EEF2K: variants seen among roughly 807,000 people sequenced by gnomAD.
EEF2K encodes the protein alternative protein EEF2K.
EEF2K carries 70 observed loss-of-function variants against 93.8 expected under a neutral mutation model. The ratio of observed to expected loss-of-function variants is 0.75; its 90% confidence interval spans 0.62 to 0.91. The LOEUF is 0.91. Ranked by LOEUF, EEF2K falls within the 40% of genes least tolerant of loss-of-function variation. The pLI, the probability that EEF2K is intolerant of heterozygous loss-of-function variation, is 0.00. For missense variants in EEF2K, 935 were observed against 972.9 expected (o/e 0.96, Z 0.52); for synonymous variants, 376 against 380.8 (o/e 0.99, Z 0.15).
At chr16:22,206,808 T>C (rs1353683547) in intron 1 of EEF2K, 129 bp downstream of exon 1, 1 of 152,788 alleles carries the variant, frequency 6.5e-6, no homozygotes, top group Non-Finnish European at 1.5e-5. Flanking sequence ...GGAGAAGGCA[T>C]GGAAGGAGAG....
rs71151666 is a variant in EEF2K, at chr16:22,241,636, C to CAAAA, written c.247-2971_247-2968dup. Among the ~76,000 whole-genome samples the CAAAA allele has an allele frequency of 1.0e-3, 50 of 49,186 alleles. 1 individual carries two copies. The highest frequency in any genetic ancestry group is 1.7e-3 in the Non-Finnish European group (44 of 26,626). 32.3% of individuals were successfully genotyped at this position (49,186 alleles called of 152,430 possible). A position where few individuals can be genotyped will look rare whatever the true frequency, so the allele number is the denominator to read the frequency against. ...CCTGGGTGACAGAGGGAGACTGTCT[C>CAAAA]AAAAAAAAAAAAAAAAAAAAAAAAA... On this transcript the variant is annotated intron_variant, in intron 2 of 17. Transcript: ENST00000263026.
intron 7 of EEF2K, 24 bp downstream of exon 7, chr16:22,256,921 C>T (rs375482252): frequency 6.8e-6 from 11 of 1,612,206 alleles, no homozygotes; most frequent in Non-Finnish European, 9.3e-6. Flanking sequence ...CACCTCCACC[C>T]TCTGCCCACC....
chr16:22,257,861 C>A, intron 9 of EEF2K, 91 bp downstream of exon 9: 1 of 1,538,464 alleles, frequency 6.5e-7, no homozygotes, highest in South Asian at 1.2e-5. Flanking sequence ...ACAGCCAGGT[C>A]AAGCAGTGCT....
chr16:22,280,065 G>A (rs1292148033), intron 16 of EEF2K, 133 bp from the exon 17 acceptor site: 1 of 798,500 alleles, frequency 1.3e-6, no homozygotes. Flanking sequence ...ATTGGCCTTG[G>A]ACAAGATAGG....
intron 15 of EEF2K, among the ~76,000 whole-genome samples, chr16:22,268,956 CA>C (rs528308134): frequency 4.0e-4 from 57 of 140,836 alleles, no homozygotes; most frequent in Admixed American, 5.7e-4. Flanking sequence ...GACTCCATCT[CA>C]AAAAAAAAAA....
At chr16:22,243,247 A>ATTTTTT (rs568043657) in intron 2 of EEF2K, among the ~76,000 whole-genome samples, 1 of 118,502 alleles carries the variant, frequency 8.4e-6, no homozygotes, top group Non-Finnish European at 1.7e-5. Flanking sequence ...GATGCAGCCT[A>ATTTTTT]TTTTTTTTTT....
At chr16:22,268,727 G>A (rs1010948134) in intron 15 of EEF2K, among the ~76,000 whole-genome samples, 3 of 151,826 alleles carry the variant, frequency 2.0e-5, no homozygotes, top group African/African-American at 4.8e-5. Context: ...AGATGGAGGC[G>A]GGTGGATCAC....
chr16:22,246,259 T>C (rs1297645538), intron 3 of EEF2K, among the ~76,000 whole-genome samples: 1 of 152,102 alleles, frequency 6.6e-6, no homozygotes, highest in Non-Finnish European at 1.5e-5. Context: ...TGGTGGCTCA[T>C]GCCTGTAATC....
At position 22,285,403 on chromosome 16, in the gene EEF2K, A is replaced by G. The variant is rs1348459914; in HGVS notation, c.*1407A>G. 6.6e-6 allele frequency: 1 copy of G among 152,226 alleles called. No homozygotes were observed. Among genetic ancestry groups the G allele is most frequent in the Non-Finnish European group, 1.5e-5 (1 of 68,048 alleles). The allele number at this position is 152,226 out of a possible 1,614,324, so 9.4% of individuals were successfully genotyped here. ...GTTTGAGGATGAGAGGGCAAGAACTATAAACACTCATTAATTCTAGTAGTC... is the reference window on the plus strand; with the variant it reads ...GTTTGAGGATGAGAGGGCAAGAACTGTAAACACTCATTAATTCTAGTAGTC... On this transcript the variant is annotated 3_prime_UTR_variant, in exon 18 of 18. Coordinates refer to ENST00000263026, the MANE Select transcript of EEF2K (RefSeq NM_013302.5).
chr16:22,248,420 G>T (rs2047316443), intron 3 of EEF2K, among the ~76,000 whole-genome samples: 1 of 152,170 alleles, frequency 6.6e-6, no homozygotes, highest in Non-Finnish European at 1.5e-5. Flanking sequence ...ACAGACATGG[G>T]TCTGCTTTTG....
In EEF2K at chr16:22,285,171, T is replaced by A. The variant is rs1029460679; in HGVS notation, c.*1175T>A. ...GCCTTTTCTCCAAGCAGACCCACAC[T>A]CTGCATCTCAGTGGCAGCTCCCACA... is the stretch of plus-strand genomic sequence containing the variant. On this transcript the variant is annotated 3_prime_UTR_variant, in exon 18 of 18. Transcript: ENST00000263026. 3 of 152,554 alleles carry A rather than the reference T, an allele frequency of 2.0e-5. No homozygotes were observed. Among genetic ancestry groups the A allele is most frequent in the Middle Eastern group, 3.2e-3 (1 of 316 alleles). The allele number at this position is 152,554 out of a possible 1,614,324, so 9.5% of individuals were successfully genotyped here.
chr16:22,280,379 AG>A lies in EEF2K; in HGVS notation c.2068+6del. On this transcript the variant is annotated splice_donor_region_variant and intron_variant, in intron 17 of 17. Coordinates refer to ENST00000263026, the MANE Select transcript of EEF2K (RefSeq NM_013302.5). Reference sequence around the variant, plus strand: ...GGAGAAGGACCCGCAGAGATCAGGTAGGGCCTGGCAGACCTGCCCCTGGGCT... The same window carrying A: ...GGAGAAGGACCCGCAGAGATCAGGTAGGCCTGGCAGACCTGCCCCTGGGCT... 1 of 1,506,180 alleles carries A rather than the reference AG, an allele frequency of 6.6e-7. No individual in the cohort carries two copies. The highest frequency in any genetic ancestry group is 1.4e-5 in the African/African-American group (1 of 71,124). 93.3% of individuals were successfully genotyped at this position (1,506,180 alleles called of 1,614,324 possible). A position where few individuals can be genotyped will look rare whatever the true frequency, so the allele number is the denominator to read the frequency against.
intron 11 of EEF2K, among the ~76,000 whole-genome samples, chr16:22,262,084 G>T (rs1420206149): frequency 6.6e-6 from 1 of 151,952 alleles, no homozygotes; most frequent in South Asian, 2.1e-4. Flanking sequence ...AAACTATTCC[G>T]TTACTAATTG....
Position 22,284,154 on chromosome 16 carries a change from C to G in EEF2K, c.*158C>G. On this transcript the variant is annotated 3_prime_UTR_variant, in exon 18 of 18. Transcript: ENST00000263026. ...TCATTTTTTGACTCTTGAAAAATGT[C>G]TTTGCTCCTTGGCAGCTACCAGCAG... 1 of 705,482 alleles carries G rather than the reference C, an allele frequency of 1.4e-6. No individual in the cohort carries two copies. The highest frequency in any genetic ancestry group is 2.4e-6 in the Non-Finnish European group (1 of 421,760). The allele number at this position is 705,482 out of a possible 1,614,324, so 43.7% of individuals were successfully genotyped here. A position where few individuals can be genotyped will look rare whatever the true frequency, so the allele number is the denominator to read the frequency against.
chr16:22,209,923 G>A (rs980441257), intron 1 of EEF2K, among the ~76,000 whole-genome samples: 2 of 152,174 alleles, frequency 1.3e-5, no homozygotes. Context: ...CTCCCAAGTA[G>A]CTGGGACTAC....
Position 22,280,184 on chromosome 16 carries a change from T to C in EEF2K, c.1890-14T>C, listed in dbSNP as rs747723181. The C allele has an allele frequency of 2.1e-6, 3 of 1,458,650 alleles. No homozygotes were observed. Among genetic ancestry groups the C allele is most frequent in the Non-Finnish European group, 2.7e-6 (3 of 1,097,838 alleles). The allele number at this position is 1,458,650 out of a possible 1,614,324, so 90.4% of individuals were successfully genotyped here. On this transcript the variant is annotated splice_polypyrimidine_tract_variant and intron_variant, in intron 16 of 17. Transcript: ENST00000263026. The stretch of plus-strand genomic sequence containing the variant: ...ATGGTAACCTCCACCTTTCCCTCTG[T>C]ATCTCCTGGCAAGGTGCCAAGACTG...
At chr16:22,226,004 C>CA (rs2047060219) in intron 2 of EEF2K, 29 bp downstream of exon 2, 1 of 1,609,984 alleles carries the variant, frequency 6.2e-7, no homozygotes, top group Non-Finnish European at 8.5e-7. Flanking sequence ...CCACCTTCCC[C>CA]ACCTGGCTTA....
intron 1 of EEF2K, among the ~76,000 whole-genome samples, chr16:22,224,067 C>T (rs2047040083): frequency 6.6e-6 from 1 of 151,930 alleles, no homozygotes; most frequent in Non-Finnish European, 1.5e-5. Flanking sequence ...ATTAGCCGCG[C>T]GTGGTAGTGG....
At chr16:22,220,581 C>A (rs908955982) in intron 1 of EEF2K, among the ~76,000 whole-genome samples, 1 of 152,122 alleles carries the variant, frequency 6.6e-6, no homozygotes, top group African/African-American at 2.4e-5. Context: ...GTAGCTGGGA[C>A]TACAGGCACA....
Sources: gnomAD v4.1 joint callset for allele counts (sites outside exome capture counted in the v4.1 genomes callset) on GRCh38, gnomAD v4.1.1 for gene constraint, MANE v1.5 for transcripts, NCBI Gene and HGNC (gene_info 2026-07-23, HGNC 2026-07-21) for gene names.